The following BEND3 variants were observed in gnomAD, a reference collection of about 807,000 sequenced individuals.
BEND3 encodes the protein BEN domain containing 3.
BEND3 carries 13 observed loss-of-function variants against 60.1 expected under a neutral mutation model. That is an observed-to-expected ratio of 0.22 (90% CI 0.14 to 0.34). BEND3 has a LOEUF of 0.34. BEND3 is among the 10% of genes least tolerant of loss of function. BEND3 has a pLI of 1.00. For missense variants in BEND3, 896 were observed against 1,138.1 expected (o/e 0.79, Z 3.06); for synonymous variants, 497 against 491.5 (o/e 1.01, Z -0.15).
chr6:107,075,842 C>G (rs1196124309), intron 3 of BEND3, among the ~76,000 whole-genome samples: 3 of 152,194 alleles, frequency 2.0e-5, no homozygotes, highest in Admixed American at 2.0e-4. Context: ...ACAACACACA[C>G]AAGGTTTGAC....
intron 3 of BEND3, among the ~76,000 whole-genome samples, chr6:107,085,723 C>T (rs1775331939): frequency 2.0e-5 from 3 of 151,446 alleles, no homozygotes; most frequent in Non-Finnish European, 4.4e-5. Context: ...GATTTCCCGA[C>T]CTCATGATCC....
intron 3 of BEND3, among the ~76,000 whole-genome samples, chr6:107,079,941 G>A (rs1394182764): frequency 1.3e-5 from 2 of 151,440 alleles, no homozygotes; most frequent in African/African-American, 2.4e-5. Context: ...ATGTTGCCCA[G>A]GCTGGTCTTG....
chr6:107,115,220 C>A lies in BEND3; in HGVS notation c.-142G>T, dbSNP rs1173798930. ...CTGGCCAGGGCGGCCCGGGGAGGCG[C>A]TGGGGGCGGCGGGCGGGCGAGCGCC... On this transcript the variant is annotated 5_prime_UTR_variant, in exon 1 of 4. Transcript: ENST00000369042. 1 of 148,824 alleles carries A rather than the reference C, an allele frequency of 6.7e-6. No individual in the cohort carries two copies. The highest frequency in any genetic ancestry group is 1.5e-5 in the Non-Finnish European group (1 of 66,810). 9.2% of individuals were successfully genotyped at this position (148,824 alleles called of 1,614,324 possible).
intron 3 of BEND3, among the ~76,000 whole-genome samples, chr6:107,088,459 C>T (rs1390024301): frequency 6.6e-6 from 1 of 151,942 alleles, no homozygotes; most frequent in Admixed American, 6.6e-5. Flanking sequence ...AGGTAAGATA[C>T]CAAACCACAG....
intron 3 of BEND3, among the ~76,000 whole-genome samples, chr6:107,098,250 G>A (rs537009209): frequency 3.9e-5 from 6 of 152,168 alleles, no homozygotes; most frequent in Non-Finnish European, 7.3e-5. Flanking sequence ...GTAGGCTTAC[G>A]TTAACCGTCC....
At chr6:107,100,731 C>T (rs563913596) in intron 1 of BEND3, among the ~76,000 whole-genome samples, 1 of 152,328 alleles carries the variant, frequency 6.6e-6, no homozygotes, top group African/African-American at 2.4e-5. Flanking sequence ...AATACCATGA[C>T]AGCATGTACA....
intron 1 of BEND3, among the ~76,000 whole-genome samples, chr6:107,107,186 C>T (rs529519374): frequency 6.6e-6 from 1 of 152,262 alleles, no homozygotes; most frequent in South Asian, 2.1e-4. Context: ...ATCCACCCGC[C>T]TCGGCCTCCC....
At chr6:107,095,576 T>A (rs1483742948) in intron 3 of BEND3, among the ~76,000 whole-genome samples, 1 of 152,150 alleles carries the variant, frequency 6.6e-6, no homozygotes, top group Non-Finnish European at 1.5e-5. Flanking sequence ...TATGTCCACA[T>A]GAAAACCTAT....
intron 3 of BEND3, among the ~76,000 whole-genome samples, chr6:107,085,596 A>G (rs1554234115): frequency 1.3e-5 from 2 of 150,916 alleles, no homozygotes; most frequent in East Asian, 2.0e-4. Context: ...GGTTCATGCT[A>G]TTCTCCTGCC....
Position 107,099,325 on chromosome 6 carries a change from G to C in BEND3, c.-11-29C>G, listed in dbSNP as rs781891012. ...AATAAAAAGACAAAGACAATGTGTT[G>C]ACTTATTGCTTGATTTATTTCTTAA... is the stretch of plus-strand genomic sequence containing the variant. On this transcript the variant is annotated intron_variant, in intron 1 of 3. Transcript: ENST00000369042. The C allele has an allele frequency of 2.5e-6, 4 of 1,570,864 alleles. No homozygotes were observed. In the Admixed American group the frequency reaches 6.9e-5, roughly 27 times the overall value.
chr6:107,115,446 C>T lies in BEND3; in HGVS notation c.-368G>A, dbSNP rs1268008346. On this transcript the variant is annotated 5_prime_UTR_variant, in exon 1 of 4. Transcript: ENST00000369042. ...GGCGGCGGCGGCGCTCGGGCGTGAA[C>T]GGCCGCGGCGGGGAGCTCGGGCGCG... 6.8e-6 allele frequency among the ~76,000 whole-genome samples: 1 copy of T among 147,798 alleles called. No homozygotes were observed. The highest frequency in any genetic ancestry group is 1.5e-5 in the Non-Finnish European group (1 of 66,380).
chr6:107,067,104 T>TA lies in BEND3; in HGVS notation c.*1599dup, dbSNP rs1582634188. On this transcript the variant is annotated 3_prime_UTR_variant, in exon 4 of 4. Coordinates refer to ENST00000369042, the MANE Select transcript of BEND3 (RefSeq NM_001367314.1). ...ACATTGCTTTTAAAATCCTGTATTTTAAAAAATGCTCCTGGGTACAGGCAA... is the reference window on the plus strand; with the variant it reads ...ACATTGCTTTTAAAATCCTGTATTTTAAAAAAATGCTCCTGGGTACAGGCAA... The TA allele has an allele frequency of 6.6e-6, 1 of 152,182 alleles. No homozygotes were observed. The highest frequency in any genetic ancestry group is 1.5e-5 in the Non-Finnish European group (1 of 68,028). 9.4% of individuals were successfully genotyped at this position (152,182 alleles called of 1,614,324 possible).
At position 107,090,359 on chromosome 6, in the gene BEND3, A is replaced by G. The variant is rs190800177; in HGVS notation, c.240+8192T>C. Among the ~76,000 whole-genome samples, 8 of 152,310 alleles carry G rather than the reference A, an allele frequency of 5.3e-5. No homozygotes were observed. The East Asian group carries it at 1.3e-3, about 26-fold the overall frequency. Reference sequence around the variant, plus strand: ...GCAAGACTCTGTCTCAAGTAAATAAATAAATAAATAAAATTAGGGAGTTTG... The same window carrying G: ...GCAAGACTCTGTCTCAAGTAAATAAGTAAATAAATAAAATTAGGGAGTTTG... On this transcript the variant is annotated intron_variant, in intron 3 of 3. Coordinates refer to ENST00000369042, the MANE Select transcript of BEND3 (RefSeq NM_001367314.1).
At chr6:107,099,683 T>C (rs1554236529) in intron 1 of BEND3, among the ~76,000 whole-genome samples, 1 of 152,146 alleles carries the variant, frequency 6.6e-6, no homozygotes, top group Non-Finnish European at 1.5e-5. Flanking sequence ...ATGGGGGCCA[T>C]GGATCCTGAA....
In BEND3 at chr6:107,072,085, A is replaced by G. The variant is rs574838479; in HGVS notation, c.241-1135T>C. ...GACCCAGATACTTATGTAAATGTAT[A>G]TTTGAGTTTTAGGAAAGCAGATGAG... On this transcript the variant is annotated intron_variant, in intron 3 of 3. Coordinates refer to ENST00000369042, the MANE Select transcript of BEND3 (RefSeq NM_001367314.1). Among the ~76,000 whole-genome samples the G allele has an allele frequency of 7.7e-4, 117 of 152,306 alleles. 1 individual carries two copies. Among genetic ancestry groups the G allele is most frequent in the Non-Finnish European group, 1.4e-3 (97 of 68,014 alleles).
At chr6:107,092,209 A>G (rs1330898838) in intron 3 of BEND3, among the ~76,000 whole-genome samples, 3 of 151,312 alleles carry the variant, frequency 2.0e-5, no homozygotes, top group African/African-American at 4.9e-5. Context: ...GTAAGCCGAG[A>G]TCACACCACT....
chr6:107,108,765 AGAG>A (rs1775876172), intron 1 of BEND3, among the ~76,000 whole-genome samples: 1 of 152,208 alleles, frequency 6.6e-6, no homozygotes, highest in African/African-American at 2.4e-5. Context: ...AAATCAGACA[AGAG>A]GAGAGGTGGC....
intron 3 of BEND3, among the ~76,000 whole-genome samples, chr6:107,074,587 T>C (rs1409929125): frequency 2.0e-5 from 3 of 152,280 alleles, no homozygotes; most frequent in Admixed American, 1.3e-4. Context: ...AAGTCACTCA[T>C]GGAAGGCACT....
chr6:107,094,557 G>C (rs1554235693), intron 3 of BEND3, among the ~76,000 whole-genome samples: 1 of 151,704 alleles, frequency 6.6e-6, no homozygotes, highest in African/African-American at 2.4e-5. Flanking sequence ...GCAGGCAGAG[G>C]TTGTAGTGAG....
Sources: gnomAD v4.1 joint callset for allele counts (sites outside exome capture counted in the v4.1 genomes callset) on GRCh38, gnomAD v4.1.1 for gene constraint, MANE v1.5 for transcripts, NCBI Gene and HGNC (gene_info 2026-07-23, HGNC 2026-07-21) for gene names.